The following FAM83A variants were observed in gnomAD, a reference collection of about 807,000 sequenced individuals.
FAM83A encodes the protein scaffolding CK1 anchoring protein A.
In FAM83A, 21 loss-of-function variants were observed where a neutral mutation model predicts 24.4. The observed-to-expected ratio is 0.86, with a 90% CI of 0.61 to 1.24. The LOEUF (loss-of-function observed/expected upper bound fraction) is 1.24. FAM83A is among the 50% of genes most tolerant of loss of function. The pLI is 0.00. For synonymous variants in FAM83A, 270 were observed against 252.4 expected (o/e 1.07, Z -0.66); for missense variants, 617 against 579.8 (o/e 1.06, Z -0.66).
intron 3 of FAM83A, chr8:123,201,794 C>T (rs143299738): frequency 1.4e-3 from 206 of 152,478 alleles, no homozygotes; most frequent in Non-Finnish European, 2.1e-3. Flanking sequence ...AGCATAGGTG[C>T]CATGCCAGGG....
chr8:123,180,901 AAAAGAG>A (rs1466730687), upstream of FAM83A, among the ~76,000 whole-genome samples: 1 of 151,928 alleles, frequency 6.6e-6, no homozygotes, highest in African/African-American at 2.4e-5. Context: ...TCCAAAAAAA[AAAAGAG>A]AAAGAGAGAG....
intron 1 of FAM83A, among the ~76,000 whole-genome samples, chr8:123,187,574 C>G (rs1394192826): frequency 2.6e-5 from 4 of 152,208 alleles, no homozygotes; most frequent in Non-Finnish European, 4.4e-5. Flanking sequence ...GGGCTTATTA[C>G]TGATATTTTA....
chr8:123,203,037 G>A (rs190686015), intron 3 of FAM83A, among the ~76,000 whole-genome samples: 1 of 152,168 alleles, frequency 6.6e-6, no homozygotes, highest in African/African-American at 2.4e-5. Flanking sequence ...ACACCACAGG[G>A]CATGACAGAG....
At chr8:123,207,335 C>A (rs1824589762) in exon 4 of FAM83A, 1 of 1,611,512 alleles carries the variant, frequency 6.2e-7, no homozygotes, top group Non-Finnish European at 8.5e-7. Context: ...GGCCAATGGC[C>A]GCCTTAGCAG....
intron 3 of FAM83A, among the ~76,000 whole-genome samples, chr8:123,198,921 T>C (rs542228729): frequency 6.6e-6 from 1 of 152,274 alleles, no homozygotes; most frequent in Admixed American, 6.5e-5. Flanking sequence ...GTATATTTAG[T>C]AGAGACGGGG....
chr8:123,195,661 A>G (rs1824125133), intron 3 of FAM83A, among the ~76,000 whole-genome samples: 1 of 152,170 alleles, frequency 6.6e-6, no homozygotes, highest in South Asian at 2.1e-4. Context: ...GGGCAGATTC[A>G]GTGCCTGGGG....
intron 1 of FAM83A, among the ~76,000 whole-genome samples, chr8:123,190,051 G>A (rs1201864800): frequency 6.6e-6 from 1 of 152,096 alleles, no homozygotes; most frequent in African/African-American, 2.4e-5. Flanking sequence ...AATGGAGCAG[G>A]TGGGGTGGCT....
chr8:123,179,329 G>A (rs1310311298), upstream of FAM83A: 1 of 152,132 alleles, frequency 6.6e-6, no homozygotes, highest in Non-Finnish European at 1.5e-5. Context: ...GTTAAAATGA[G>A]TTCGGCCCCT....
upstream of FAM83A, chr8:123,180,757 G>A (rs976755330): frequency 3.3e-5 from 5 of 152,182 alleles, no homozygotes; most frequent in Middle Eastern, 3.2e-3. Flanking sequence ...AAGGGAAAAG[G>A]CATAGATCCA....
At chr8:123,206,020 G>T (rs1223319798) in intron 3 of FAM83A, among the ~76,000 whole-genome samples, 3 of 151,960 alleles carry the variant, frequency 2.0e-5, no homozygotes, top group African/African-American at 7.3e-5. Flanking sequence ...GCGGGCGCCT[G>T]TAATCCCAGC....
At position 123,209,365 on chromosome 8, in the gene FAM83A, T is replaced by TA; in HGVS notation, c.*1677_*1678insA. The TA allele has an allele frequency of 6.8e-7, 1 of 1,468,788 alleles. No individual in the cohort carries two copies. Among genetic ancestry groups the TA allele is most frequent in the East Asian group, 2.5e-5 (1 of 39,524 alleles). The allele number at this position is 1,468,788 out of a possible 1,614,324, so 91.0% of individuals were successfully genotyped here. ...CTGGGGCATCTTGGCTTCTGGTTTC[T>TA]TTTATTATTATTATTATTATTAATT... On this transcript the variant is annotated 3_prime_UTR_variant, in exon 4 of 4. Transcript: ENST00000690554. This position sits in a 1 kb window ranked among gnomAD's most constrained non-coding sequence, Gnocchi z 4.7.
chr8:123,195,986 AGT>A (rs1824137453), intron 3 of FAM83A, among the ~76,000 whole-genome samples: 1 of 152,270 alleles, frequency 6.6e-6, no homozygotes. Context: ...ATAGATTTTA[AGT>A]GTGTCTTTTG....
intron 1 of FAM83A, among the ~76,000 whole-genome samples, chr8:123,184,862 C>T (rs1823738581): frequency 6.6e-6 from 1 of 152,214 alleles, no homozygotes; most frequent in East Asian, 1.9e-4. Flanking sequence ...AAAGAACATG[C>T]TGATGTTTGG....
intron 2 of FAM83A, 96 bp downstream of exon 2, chr8:123,192,066 GCTTAACA>G: frequency 7.3e-7 from 1 of 1,363,504 alleles, no homozygotes; most frequent in Non-Finnish European, 1.0e-6. Context: ...TGTGTTAATA[GCTTAACA>G]CAATAAAGGT....
intron 3 of FAM83A, among the ~76,000 whole-genome samples, chr8:123,197,601 C>G (rs556076804): frequency 2.0e-5 from 3 of 152,232 alleles, no homozygotes; most frequent in South Asian, 2.1e-4. Context: ...CCCCTTTCGG[C>G]GATTGTGAAT....
intron 3 of FAM83A, chr8:123,200,014 C>T (rs750919381): frequency 6.5e-6 from 1 of 153,940 alleles, no homozygotes; most frequent in Non-Finnish European, 1.5e-5. Flanking sequence ...TTCATCTCTC[C>T]CTGTCTTATG....
intron 3 of FAM83A, among the ~76,000 whole-genome samples, chr8:123,205,968 C>G (rs1049837028): frequency 2.6e-5 from 4 of 151,966 alleles, no homozygotes; most frequent in Non-Finnish European, 5.9e-5. Context: ...CATGGTGAAC[C>G]CCTGTCTCTA....
chr8:123,197,438 C>G (rs969117031), intron 3 of FAM83A, among the ~76,000 whole-genome samples: 1 of 152,174 alleles, frequency 6.6e-6, no homozygotes, highest in African/African-American at 2.4e-5. Context: ...TTGTGGCTGG[C>G]TTCCTTCACT....
At chr8:123,185,119 C>CA (rs1823748608) in intron 1 of FAM83A, among the ~76,000 whole-genome samples, 1 of 152,200 alleles carries the variant, frequency 6.6e-6, no homozygotes, top group Non-Finnish European at 1.5e-5. Context: ...TTTGAGGATG[C>CA]ATCCAGGCAA....
Sources: gnomAD v4.1 joint callset for allele counts (sites outside exome capture counted in the v4.1 genomes callset) on GRCh38, gnomAD v4.1.1 for gene constraint, Gnocchi (gnomAD v3.1) non-coding constraint, MANE v1.5 for transcripts, NCBI Gene and HGNC (gene_info 2026-07-23, HGNC 2026-07-21) for gene names.